NXPH2: variants seen among roughly 807,000 people sequenced by gnomAD.
NXPH2 encodes neurexophilin 2, also known as neurexophilin-2.
In NXPH2, 5 loss-of-function variants were observed where a neutral mutation model predicts 19.8. The observed-to-expected ratio is 0.25, with a 90% CI of 0.13 to 0.53. NXPH2 has a LOEUF of 0.53. Among genes scored for constraint, NXPH2 ranks in the 20% least tolerant of loss-of-function variants. The pLI is 0.96. For synonymous variants in NXPH2, 154 were observed against 127.4 expected (o/e 1.21, Z -1.41); for missense variants, 289 against 322.8 (o/e 0.90, Z 0.80).
In NXPH2 at chr2:138,778,370, C is replaced by A. The variant is rs549051139; in HGVS notation, c.51+1821G>T. Among the ~76,000 whole-genome samples, 3 of 152,150 alleles carry A rather than the reference C, an allele frequency of 2.0e-5. No homozygotes were observed. In the East Asian group the frequency reaches 5.8e-4, roughly 29 times the overall value. ...TTAAAAGCAAATCCATCAGTCCATG[C>A]TGTAATATTAGAATCTAGCTCTTAA... On this transcript the variant is annotated intron_variant, in intron 1 of 1. Transcript: ENST00000272641.
At chr2:138,708,819 C>T (rs1018742359) in intron 1 of NXPH2, among the ~76,000 whole-genome samples, 3 of 152,166 alleles carry the variant, frequency 2.0e-5, no homozygotes, top group Non-Finnish European at 4.4e-5. Context: ...ATAGGGACAT[C>T]GGGACTGAAA....
chr2:138,712,196 C>T (rs1681116310), intron 1 of NXPH2, among the ~76,000 whole-genome samples: 1 of 152,078 alleles, frequency 6.6e-6, no homozygotes, highest in Non-Finnish European at 1.5e-5. Flanking sequence ...AATTAATTTA[C>T]AGCAACAGCT....
At chr2:138,671,969 A>G (rs191323769) in intron 1 of NXPH2, among the ~76,000 whole-genome samples, 1 of 152,322 alleles carries the variant, frequency 6.6e-6, no homozygotes, top group East Asian at 1.9e-4. Flanking sequence ...GATTGGGGGA[A>G]GTAGTATATT....
intron 1 of NXPH2, among the ~76,000 whole-genome samples, chr2:138,699,274 T>C (rs1056547567): frequency 6.6e-6 from 1 of 151,942 alleles, no homozygotes; most frequent in Non-Finnish European, 1.5e-5. Context: ...CAAATAAAAG[T>C]GTCTATGGAA....
chr2:138,732,551 T>C (rs1250464510), intron 1 of NXPH2, among the ~76,000 whole-genome samples: 1 of 152,204 alleles, frequency 6.6e-6, no homozygotes, highest in East Asian at 1.9e-4. Flanking sequence ...CTCTCAGGCA[T>C]GTTGGCTGAG....
At chr2:138,770,979 AT>A (rs898401574) in intron 1 of NXPH2, among the ~76,000 whole-genome samples, 16 of 151,906 alleles carry the variant, frequency 1.1e-4, no homozygotes, top group Admixed American at 3.9e-4. Context: ...ATTGTCAAAA[AT>A]TTTTTTTTAA....
chr2:138,767,327 G>T (rs1413972011), intron 1 of NXPH2, among the ~76,000 whole-genome samples: 4 of 152,248 alleles, frequency 2.6e-5, no homozygotes, highest in Non-Finnish European at 5.9e-5. Flanking sequence ...ACTCAGACTG[G>T]AGTGCAACTG....
At chr2:138,768,677 C>A (rs949165092) in intron 1 of NXPH2, among the ~76,000 whole-genome samples, 2 of 152,200 alleles carry the variant, frequency 1.3e-5, no homozygotes, top group African/African-American at 2.4e-5. Flanking sequence ...TTAATAATTT[C>A]TTCTCTGCTT....
intron 1 of NXPH2, among the ~76,000 whole-genome samples, chr2:138,750,299 GTAAA>G (rs1457999975): frequency 6.6e-6 from 1 of 152,104 alleles, no homozygotes; most frequent in African/African-American, 2.4e-5. Context: ...CTCTCATGAA[GTAAA>G]TAGAGTAAGT....
At chr2:138,713,962 A>T (rs1048969199) in intron 1 of NXPH2, among the ~76,000 whole-genome samples, 2 of 142,226 alleles carry the variant, frequency 1.4e-5, no homozygotes. Flanking sequence ...ACAAAGAAAC[A>T]AACAAAAAAG....
At chr2:138,758,185 A>G (rs1000275108) in intron 1 of NXPH2, among the ~76,000 whole-genome samples, 3 of 152,176 alleles carry the variant, frequency 2.0e-5, no homozygotes, top group Non-Finnish European at 2.9e-5. Context: ...TCACTGGATG[A>G]TACTGCACCT....
At chr2:138,765,012 TAAAGA>T (rs1050402945) in intron 1 of NXPH2, among the ~76,000 whole-genome samples, 2 of 152,204 alleles carry the variant, frequency 1.3e-5, no homozygotes, top group African/African-American at 4.8e-5. Flanking sequence ...AATACATTGA[TAAAGA>T]AGGGCTTGAC....
chr2:138,772,888 T>C (rs999945900), intron 1 of NXPH2, among the ~76,000 whole-genome samples: 1 of 152,232 alleles, frequency 6.6e-6, no homozygotes, highest in Non-Finnish European at 1.5e-5. Context: ...TGTGCTTTTG[T>C]TGCTTCACCT....
chr2:138,762,085 G>A (rs1443325679), intron 1 of NXPH2, among the ~76,000 whole-genome samples: 2 of 152,192 alleles, frequency 1.3e-5, no homozygotes, highest in African/African-American at 4.8e-5. Context: ...GTGAGTGAGG[G>A]AGAAAGGAGC....
intron 1 of NXPH2, among the ~76,000 whole-genome samples, chr2:138,744,674 C>A (rs941709185): frequency 1.3e-5 from 2 of 152,134 alleles, no homozygotes; most frequent in Non-Finnish European, 2.9e-5. Flanking sequence ...TCTTACTTTA[C>A]GGACCTGCTT....
intron 1 of NXPH2, among the ~76,000 whole-genome samples, chr2:138,713,734 G>C (rs1041886053): frequency 2.0e-5 from 3 of 152,062 alleles, no homozygotes; most frequent in African/African-American, 7.2e-5. Context: ...AACTGCGACA[G>C]GACAGCAGGG....
intron 1 of NXPH2, among the ~76,000 whole-genome samples, chr2:138,742,409 A>G (rs776661186): frequency 6.6e-5 from 10 of 152,232 alleles, no homozygotes; most frequent in Admixed American, 1.3e-4. Context: ...GAGCGTATTT[A>G]GAAAAAATAG....
chr2:138,778,035 T>C (rs998122870), intron 1 of NXPH2, among the ~76,000 whole-genome samples: 3 of 152,200 alleles, frequency 2.0e-5, no homozygotes, highest in African/African-American at 7.2e-5. Context: ...AATCATGATC[T>C]GTCCTTTTTG....
intron 1 of NXPH2, among the ~76,000 whole-genome samples, chr2:138,755,829 A>AT (rs922308054): frequency 7.7e-4 from 116 of 151,454 alleles, no homozygotes; most frequent in Admixed American, 2.6e-3. Context: ...ATTTATTTAG[A>AT]TTTTTTTTTG....
Sources: gnomAD v4.1 joint callset for allele counts (sites outside exome capture counted in the v4.1 genomes callset) on GRCh38, gnomAD v4.1.1 for gene constraint, MANE v1.5 for transcripts, NCBI Gene and HGNC (gene_info 2026-07-23, HGNC 2026-07-21) for gene names.